Variants in LINGO2 observed in about 807,000 individuals in gnomAD.
LINGO2 encodes the protein leucine rich repeat and Ig domain containing 2.
A neutral mutation model predicts 30.6 loss-of-function variants in LINGO2; 14 were observed. That is an observed-to-expected ratio of 0.46 (90% CI 0.30 to 0.72). The LOEUF (loss-of-function observed/expected upper bound fraction) is 0.72, where lower values mean the gene tolerates loss of function less well. LINGO2 is among the 30% of genes least tolerant of loss of function. LINGO2 has a pLI of 0.07. For synonymous variants in LINGO2, 317 were observed against 288.5 expected (o/e 1.10, Z -1.00); for missense variants, 729 against 751.7 (o/e 0.97, Z 0.35).
chr9:28,534,054 T>G, intron 1 of LINGO2, among the ~76,000 whole-genome samples: 1 of 152,164 alleles, frequency 6.6e-6, no homozygotes, highest in East Asian at 1.9e-4. Context: ...TAAGTGAAAA[T>G]ATGTTTAGCA....
At position 28,329,021 on chromosome 9, in the gene LINGO2, C is replaced by T. The variant is rs1296420796; in HGVS notation, c.-245-33655G>A. On this transcript the variant is annotated intron_variant, in intron 3 of 5. Coordinates refer to ENST00000379992, the Ensembl canonical transcript of LINGO2. This position sits in a 1 kb window ranked among gnomAD's most constrained non-coding sequence, Gnocchi z 4.5. ...GGCCTTCACAGAGACTTCTCAGGTT[C>T]TCACCCCATCCGTATACGAGCTAGG... 1.3e-5 allele frequency among the ~76,000 whole-genome samples: 2 copies of T among 152,112 alleles called. No homozygotes were observed. The highest frequency in any genetic ancestry group is 4.8e-5 in the African/African-American group (2 of 41,426).
rs1048572479 is a variant in LINGO2 at position 28,040,429 on chromosome 9, T to G, written c.-86-28024A>C. 5.3e-5 allele frequency among the ~76,000 whole-genome samples: 8 copies of G among 151,152 alleles called. No individual in the cohort carries two copies. In the East Asian group the frequency reaches 1.2e-3, roughly 22 times the overall value. On this transcript the variant is annotated intron_variant, in intron 4 of 5. Transcript: ENST00000379992. ...GTTCAAAAAGACAGCTTGAAGTTTTTTTTTTTTTTTTTTTTGGACAGGGAT... is the reference window on the plus strand; with the variant it reads ...GTTCAAAAAGACAGCTTGAAGTTTTGTTTTTTTTTTTTTTTGGACAGGGAT...
At chr9:29,074,967 C>T in the LINGO2 span, among the ~76,000 whole-genome samples, 29,985 of 151,934 alleles carry the variant, frequency 0.2, 3,105 homozygotes, top group African/African-American at 0.24. Context: ...TGAGCCACCG[C>T]GCCAGGCCCA....
chr9:29,063,043 T>G, the LINGO2 span, among the ~76,000 whole-genome samples: 5 of 152,120 alleles, frequency 3.3e-5, no homozygotes. Flanking sequence ...AGCTTTATGG[T>G]TCAGTAAAGA....
intron 4 of LINGO2, among the ~76,000 whole-genome samples, chr9:28,179,578 G>C (rs1206024455): frequency 8.3e-6 from 1 of 120,014 alleles, no homozygotes; most frequent in Non-Finnish European, 1.7e-5. Flanking sequence ...TATACGATAT[G>C]TAGTATTTTA....
At chr9:29,043,942 A>G in the LINGO2 span, among the ~76,000 whole-genome samples, 2 of 152,054 alleles carry the variant, frequency 1.3e-5, no homozygotes, top group Non-Finnish European at 2.9e-5. Context: ...AGTTCTTTTT[A>G]ACTCATTCAC....
chr9:28,140,816 T>C (rs1392228534), intron 4 of LINGO2, among the ~76,000 whole-genome samples: 1 of 152,204 alleles, frequency 6.6e-6, no homozygotes, highest in Non-Finnish European at 1.5e-5. Context: ...CATTCTTTTA[T>C]GTATCTCTAA....
At chr9:28,308,670 G>A (rs1356539916) in intron 3 of LINGO2, among the ~76,000 whole-genome samples, 1 of 149,498 alleles carries the variant, frequency 6.7e-6, no homozygotes, top group Non-Finnish European at 1.5e-5. Context: ...GAAAATTTTT[G>A]CAACCTACTC....
the LINGO2 span, among the ~76,000 whole-genome samples, chr9:29,129,728 A>G: frequency 6.6e-6 from 1 of 152,154 alleles, no homozygotes; most frequent in Non-Finnish European, 1.5e-5. Context: ...TTTATGAAAC[A>G]AAGTAATAAG....
chr9:28,205,911 G>A (rs181205005), intron 4 of LINGO2, among the ~76,000 whole-genome samples: 219 of 152,122 alleles, frequency 1.4e-3, no homozygotes, highest in Non-Finnish European at 2.4e-3. Context: ...GGCCAGGTGC[G>A]GTGGCTCACG....
At chr9:28,477,995 G>A (rs1331822348) in intron 1 of LINGO2, among the ~76,000 whole-genome samples, 4 of 152,090 alleles carry the variant, frequency 2.6e-5, no homozygotes, top group African/African-American at 9.7e-5. Context: ...AACCCTGGAA[G>A]GCTCTGAGAC....
the LINGO2 span, among the ~76,000 whole-genome samples, chr9:28,792,159 G>C: frequency 5.9e-5 from 9 of 151,748 alleles, no homozygotes; most frequent in Non-Finnish European, 1.3e-4. Context: ...TCTTGCCTAA[G>C]CCTTACTGTA....
At chr9:29,067,301 G>A in the LINGO2 span, among the ~76,000 whole-genome samples, 4 of 151,672 alleles carry the variant, frequency 2.6e-5, no homozygotes, top group African/African-American at 4.8e-5. Flanking sequence ...AGCTGAAACC[G>A]TAGTGATACA....
chr9:27,945,712 G>C (rs548964027), downstream of LINGO2, among the ~76,000 whole-genome samples: 1 of 152,218 alleles, frequency 6.6e-6, no homozygotes, highest in African/African-American at 2.4e-5. Flanking sequence ...GAAGCCATGA[G>C]GGAAAATTCA....
the LINGO2 span, among the ~76,000 whole-genome samples, chr9:29,108,680 T>A: frequency 6.6e-6 from 1 of 152,214 alleles, no homozygotes; most frequent in African/African-American, 2.4e-5. Flanking sequence ...GAGGTATGCA[T>A]AGATGCAAAG....
Position 28,204,131 on chromosome 9 carries a change from T to G in LINGO2, c.-87+91077A>C, listed in dbSNP as rs186957878. On this transcript the variant is annotated intron_variant, in intron 4 of 5. Transcript: ENST00000379992. ...CCAAAGCCAGATTGCAATGTTATTGTAGCAACTAGTTGTCACTCAGTTGTA... is the reference window on the plus strand; with the variant it reads ...CCAAAGCCAGATTGCAATGTTATTGGAGCAACTAGTTGTCACTCAGTTGTA... Among the ~76,000 whole-genome samples the G allele has an allele frequency of 2.5e-3, 375 of 152,348 alleles. 8 individuals are homozygous for G. In the South Asian group the frequency reaches 0.051, roughly 21 times the overall value.
the LINGO2 span, among the ~76,000 whole-genome samples, chr9:29,140,806 G>A: frequency 0.11 from 16,280 of 151,872 alleles, 1,049 homozygotes; most frequent in East Asian, 0.13. Context: ...ATATAAGGGA[G>A]GCTCCATAAT....
At chr9:28,556,684 T>A (rs975023655) in intron 1 of LINGO2, among the ~76,000 whole-genome samples, 1 of 151,094 alleles carries the variant, frequency 6.6e-6, no homozygotes, top group Admixed American at 6.6e-5. Flanking sequence ...AGCCCGCATC[T>A]CCAAGTCAAT....
chr9:29,134,742 A>T, the LINGO2 span, among the ~76,000 whole-genome samples: 2 of 152,186 alleles, frequency 1.3e-5, no homozygotes, highest in African/African-American at 4.8e-5. Context: ...TCAATCTATA[A>T]AATATGGTTT....
Sources: allele counts gnomAD v4.1 joint callset (sites outside exome capture counted in the v4.1 genomes callset), GRCh38; gene constraint gnomAD v4.1.1; non-coding constraint Gnocchi (gnomAD v3.1); transcripts MANE v1.5; gene names NCBI Gene and HGNC (gene_info 2026-07-23, HGNC 2026-07-21).